The following TMOD3 variants were observed in gnomAD, a reference collection of about 807,000 sequenced individuals.
TMOD3 encodes tropomodulin-3.
Under a neutral mutation model 39.2 loss-of-function variants are expected in TMOD3, and 20 were observed. The observed-to-expected ratio is 0.51, with a 90% CI of 0.36 to 0.74. The LOEUF (loss-of-function observed/expected upper bound fraction) is 0.74, where lower values mean the gene tolerates loss of function less well. Ranked by LOEUF, TMOD3 falls within the 30% of genes least tolerant of loss-of-function variation. TMOD3 has a pLI of 0.00. For missense variants in TMOD3, 381 were observed against 412.8 expected, an observed-to-expected ratio of 0.92 and a Z score of 0.67; for synonymous variants, 143 against 145.8, an observed-to-expected ratio of 0.98 and a Z score of 0.14.
chr15:51,875,347 T>C (rs2056496611), intron 3 of TMOD3: 1 of 152,216 alleles, frequency 6.6e-6, no homozygotes, highest in South Asian at 2.1e-4. Flanking sequence ...AAAAGTGGTC[T>C]TCCCAGGCAC....
Position 51,870,350 on chromosome 15 carries a change from A to G in TMOD3, c.283+977A>G, listed in dbSNP as rs577224711. 4.6e-5 allele frequency among the ~76,000 whole-genome samples: 7 copies of G among 152,378 alleles called. No individual in the cohort carries two copies. The South Asian group carries it at 6.2e-4, about 14-fold the overall frequency. On this transcript the variant is annotated intron_variant, in intron 3 of 9. Transcript: ENST00000308580. ...AGGTTGGCCTAAAAAGCCAAATTCTACGTTCACTCTTACTTGGAATACTGT... is the reference window on the plus strand; with the variant it reads ...AGGTTGGCCTAAAAAGCCAAATTCTGCGTTCACTCTTACTTGGAATACTGT...
chr15:51,902,129 G>C, intron 9 of TMOD3, 93 bp downstream of exon 9: 1 of 1,461,326 alleles, frequency 6.8e-7, no homozygotes, highest in Non-Finnish European at 9.3e-7. Context: ...TTCTAACAGA[G>C]AAGTTATTTG....
intron 3 of TMOD3, among the ~76,000 whole-genome samples, chr15:51,872,122 G>A (rs1258004690): frequency 2.6e-5 from 4 of 152,112 alleles, no homozygotes; most frequent in African/African-American, 7.2e-5. Flanking sequence ...AGCCGGACGC[G>A]GTAGCTCAAC....
intron 7 of TMOD3, 152 bp downstream of exon 7, chr15:51,896,678 T>G: frequency 2.0e-6 from 1 of 510,472 alleles, no homozygotes; most frequent in East Asian, 3.0e-5. Context: ...TGTGTTTATT[T>G]TTTCCTGTAT....
At chr15:51,897,799 C>A (rs12917046) in intron 7 of TMOD3, among the ~76,000 whole-genome samples, 13,966 of 120,198 alleles carry the variant, frequency 0.12, 754 homozygotes, top group African/African-American at 0.13. Context: ...AAAAAAAAAA[C>A]AAAAAACTAA....
intron 1 of TMOD3, among the ~76,000 whole-genome samples, chr15:51,842,946 C>T (rs1452697921): frequency 3.9e-5 from 6 of 152,144 alleles, no homozygotes; most frequent in Admixed American, 1.3e-4. Context: ...ATCTCTAAGT[C>T]AGAAGTGTGC....
At chr15:51,900,442 G>A in intron 8 of TMOD3, 144 bp downstream of exon 8, 2 of 840,988 alleles carry the variant, frequency 2.4e-6, no homozygotes, top group East Asian at 2.6e-5. Context: ...TGACATTTGG[G>A]GTATCTAGAA....
At chr15:51,861,081 C>A in intron 1 of TMOD3, 1 of 622,562 alleles carries the variant, frequency 1.6e-6, no homozygotes, top group South Asian at 1.4e-5. Context: ...AATGCGTGTT[C>A]TTCTCTGGAT....
chr15:51,899,388 AG>A (rs1352103887), intron 7 of TMOD3, among the ~76,000 whole-genome samples: 2 of 152,232 alleles, frequency 1.3e-5, no homozygotes, highest in East Asian at 1.9e-4. Flanking sequence ...GGTACAGGCC[AG>A]GTGTAGTGGC....
intron 3 of TMOD3, among the ~76,000 whole-genome samples, chr15:51,878,237 A>C (rs896314418): frequency 6.6e-6 from 1 of 152,174 alleles, no homozygotes; most frequent in Non-Finnish European, 1.5e-5. Flanking sequence ...GTGTCTTGAA[A>C]ACTGTTGTTT....
chr15:51,856,843 C>G (rs896033506), intron 1 of TMOD3, among the ~76,000 whole-genome samples: 2 of 152,144 alleles, frequency 1.3e-5, no homozygotes, highest in African/African-American at 2.4e-5. Context: ...TTCAAGCAAT[C>G]ACTTTGAAAA....
At chr15:51,878,254 A>AG (rs1283618645) in intron 3 of TMOD3, among the ~76,000 whole-genome samples, 1 of 152,182 alleles carries the variant, frequency 6.6e-6, no homozygotes, top group African/African-American at 2.4e-5. Flanking sequence ...GTTTCTGGCC[A>AG]GGTATGGTAA....
At chr15:51,862,533 C>T (rs927441641) in intron 1 of TMOD3, among the ~76,000 whole-genome samples, 2 of 152,068 alleles carry the variant, frequency 1.3e-5, no homozygotes, top group Non-Finnish European at 2.9e-5. Context: ...ATTTCTTTCC[C>T]CCTAAAATTT....
intron 3 of TMOD3, among the ~76,000 whole-genome samples, chr15:51,883,733 GAGT>G (rs2056545985): frequency 6.6e-6 from 1 of 152,164 alleles, no homozygotes; most frequent in South Asian, 2.1e-4. Flanking sequence ...AGCATCTCTA[GAGT>G]GGGGCTTGGA....
intron 2 of TMOD3, 50 bp from the exon 3 acceptor site, chr15:51,869,167 A>G (rs1041855390): frequency 1.3e-6 from 2 of 1,585,488 alleles, no homozygotes; most frequent in Non-Finnish European, 1.7e-6. Flanking sequence ...GGAAGCATAT[A>G]GCATTAGCAT....
intron 5 of TMOD3, among the ~76,000 whole-genome samples, chr15:51,890,759 C>T (rs564315316): frequency 1.3e-5 from 2 of 152,212 alleles, no homozygotes; most frequent in East Asian, 3.9e-4. Flanking sequence ...TATAACATTC[C>T]TTTCTACGAT....
intron 1 of TMOD3, among the ~76,000 whole-genome samples, chr15:51,861,933 G>A (rs1019854404): frequency 1.3e-5 from 2 of 152,142 alleles, no homozygotes; most frequent in Non-Finnish European, 2.9e-5. Context: ...GTGAGTCACT[G>A]CGTCTGGCCC....
At chr15:51,889,820 C>T (rs1309222535) in intron 5 of TMOD3, among the ~76,000 whole-genome samples, 1 of 152,176 alleles carries the variant, frequency 6.6e-6, no homozygotes, top group African/African-American at 2.4e-5. Context: ...GCTGTGATCA[C>T]ACTACTGCAC....
chr15:51,832,638 C>T (rs2056262374), intron 1 of TMOD3, among the ~76,000 whole-genome samples: 1 of 151,968 alleles, frequency 6.6e-6, no homozygotes, highest in South Asian at 2.1e-4. Context: ...TCCAGGACAG[C>T]CTGGGCAACA....
Sources: allele counts gnomAD v4.1 joint callset (sites outside exome capture counted in the v4.1 genomes callset), GRCh38; gene constraint gnomAD v4.1.1; transcripts MANE v1.5; gene names NCBI Gene and HGNC (gene_info 2026-07-23, HGNC 2026-07-21).